The following GALNT16 variants were observed in gnomAD, a reference collection of about 807,000 sequenced individuals.
The protein encoded by GALNT16 is polypeptide N-acetylgalactosaminyltransferase 16, also known as UDP-GalNAc:polypeptide N-acetylgalactosaminyltransferase-like protein 1.
A neutral mutation model predicts 76.1 loss-of-function variants in GALNT16; 40 were observed. The observed-to-expected ratio is 0.53, with a 90% CI of 0.41 to 0.68. The LOEUF is 0.68. GALNT16 is among the 30% of genes least tolerant of loss of function. GALNT16 has a pLI of 0.00. For missense variants in GALNT16, 621 were observed against 731.9 expected (o/e 0.85, Z 1.75); for synonymous variants, 276 against 285.2 (o/e 0.97, Z 0.32).
chr14:69,354,482 C>T (rs1314023394), downstream of GALNT16: 1 of 152,832 alleles, frequency 6.5e-6, no homozygotes, highest in African/African-American at 2.4e-5. Flanking sequence ...GCACCAGCGC[C>T]TTCCTTTCTG....
At chr14:69,375,993 A>T in the GALNT16 span, among the ~76,000 whole-genome samples, 1 of 152,018 alleles carries the variant, frequency 6.6e-6, no homozygotes, top group East Asian at 1.9e-4. Context: ...AAAACATTTC[A>T]ACCATGTATT....
At chr14:69,364,057 T>A in the GALNT16 span, among the ~76,000 whole-genome samples, 1 of 152,178 alleles carries the variant, frequency 6.6e-6, no homozygotes, top group Non-Finnish European at 1.5e-5. The surrounding 1 kb of genome is among the most constrained non-coding windows in gnomAD (Gnocchi z 4.2). Context: ...GCAGACTACA[T>A]GAAGACAAAG....
chr14:69,318,711 T>A (rs2045136041), intron 1 of GALNT16, among the ~76,000 whole-genome samples: 1 of 152,208 alleles, frequency 6.6e-6, no homozygotes, highest in African/African-American at 2.4e-5. Context: ...ACCTGGAGGA[T>A]AACGAAGTGC....
At chr14:69,346,588 C>T (rs757088848) in intron 12 of GALNT16, among the ~76,000 whole-genome samples, 6 of 152,152 alleles carry the variant, frequency 3.9e-5, no homozygotes, top group Non-Finnish European at 5.9e-5. Flanking sequence ...GACTCTGATA[C>T]GTAGTTCTTT....
the GALNT16 span, among the ~76,000 whole-genome samples, chr14:69,369,276 A>G: frequency 6.6e-6 from 1 of 152,190 alleles, no homozygotes; most frequent in Non-Finnish European, 1.5e-5. Flanking sequence ...AGATGTTAAC[A>G]TTGTGTCTGG....
In GALNT16 at chr14:69,338,846, G is replaced by A. The variant is rs983815297; in HGVS notation, c.1094+69G>A. The A allele has an allele frequency of 8.2e-5, 109 of 1,325,162 alleles. 1 individual carries two copies. In the African/African-American group the frequency reaches 1.4e-3, roughly 18 times the overall value. 82.1% of individuals were successfully genotyped at this position (1,325,162 alleles called of 1,614,324 possible). ...AAGGCCCAAGCCCCCAGCCTTGCCAGTTATCACTATGTGACTGTGGGCAGC... is the reference window on the plus strand; with the variant it reads ...AAGGCCCAAGCCCCCAGCCTTGCCAATTATCACTATGTGACTGTGGGCAGC... On this transcript the variant is annotated intron_variant, in intron 10 of 14. Coordinates refer to ENST00000448469, the MANE Select transcript of GALNT16 (RefSeq NM_001168368.2).
intron 1 of GALNT16, among the ~76,000 whole-genome samples, chr14:69,316,654 CAGAA>C (rs2045104336): frequency 1.3e-5 from 2 of 151,292 alleles, no homozygotes; most frequent in African/African-American, 4.9e-5. Flanking sequence ...GAGCCTTCCA[CAGAA>C]AGAGAGTGTG....
intron 6 of GALNT16, 102 bp from the exon 7 acceptor site, chr14:69,331,362 A>C: frequency 1.4e-6 from 1 of 733,022 alleles, no homozygotes; most frequent in Non-Finnish European, 2.5e-6. Context: ...GGAAGTGCTG[A>C]GTGCCCCATG....
chr14:69,291,651 G>A (rs918455918), intron 1 of GALNT16, among the ~76,000 whole-genome samples: 1 of 152,206 alleles, frequency 6.6e-6, no homozygotes, highest in Non-Finnish European at 1.5e-5. Flanking sequence ...GAGTGGGATG[G>A]GGAAAGACAA....
At position 69,285,101 on chromosome 14, in the gene GALNT16, C is replaced by T. The variant is rs555436251; in HGVS notation, c.177+24634C>T. Among the ~76,000 whole-genome samples, 51 of 146,192 alleles carry T rather than the reference C, an allele frequency of 3.5e-4. 1 individual carries two copies. In the South Asian group the frequency reaches 0.011, roughly 31 times the overall value. On this transcript the variant is annotated intron_variant, in intron 1 of 14. Coordinates refer to ENST00000448469, the MANE Select transcript of GALNT16 (RefSeq NM_001168368.2). ...TTTCGCCCAGGCTGGAGTGGGGCAG[C>T]AAGATCTCGGCTCACTGCAAGCTCC... is the stretch of plus-strand genomic sequence containing the variant.
the GALNT16 span, among the ~76,000 whole-genome samples, chr14:69,383,559 TTAAATCC>T: frequency 2.6e-5 from 4 of 152,228 alleles, no homozygotes; most frequent in African/African-American, 4.8e-5. Flanking sequence ...GAAAATAGTT[TTAAATCC>T]TAAATTTGAT....
At position 69,353,240 on chromosome 14, in the gene GALNT16, A is replaced by C. The variant is rs372103686; in HGVS notation, c.*1072A>C. 2.0e-5 allele frequency: 3 copies of C among 152,132 alleles called. No homozygotes were observed. In the East Asian group the frequency reaches 5.8e-4, roughly 29 times the overall value. 9.4% of individuals were successfully genotyped at this position (152,132 alleles called of 1,614,324 possible). A position where few individuals can be genotyped will look rare whatever the true frequency, so the allele number is the denominator to read the frequency against. The stretch of plus-strand genomic sequence containing the variant: ...GACCAAGAACAGCCCCTAAGTCATT[A>C]GGGTTCAACCTCACCCTTATTCCCC... On this transcript the variant is annotated 3_prime_UTR_variant, in exon 15 of 15. Coordinates refer to ENST00000448469, the MANE Select transcript of GALNT16 (RefSeq NM_001168368.2).
chr14:69,277,621 CATT>C (rs1380027825), intron 1 of GALNT16, among the ~76,000 whole-genome samples: 2 of 152,190 alleles, frequency 1.3e-5, no homozygotes, highest in African/African-American at 4.8e-5. Flanking sequence ...TCCAGTCTAT[CATT>C]GTTGGACATT....
chr14:69,285,284 A>G (rs540132455), intron 1 of GALNT16, among the ~76,000 whole-genome samples: 186 of 152,206 alleles, frequency 1.2e-3, no homozygotes, highest in African/African-American at 4.2e-3. Flanking sequence ...TCGGCCTCTC[A>G]AAGTGCTGGG....
intron 12 of GALNT16, among the ~76,000 whole-genome samples, chr14:69,342,097 G>C (rs556497184): frequency 6.6e-6 from 1 of 152,114 alleles, no homozygotes; most frequent in African/African-American, 2.4e-5. Flanking sequence ...TTTATCCTAA[G>C]GAAATAAAGC....
At chr14:69,311,501 TC>T (rs1157937322) in intron 1 of GALNT16, among the ~76,000 whole-genome samples, 2 of 152,190 alleles carry the variant, frequency 1.3e-5, no homozygotes, top group Non-Finnish European at 2.9e-5. Flanking sequence ...GGCTGATTTT[TC>T]CCAAGTTCTC....
rs2045662282 is a variant in GALNT16 at position 69,353,350 on chromosome 14, G to A, written c.*1182G>A. ...ACTACAGGAGGGATTTTCTTGAAGG[G>A]TCAGCTATTGCACTGTGCTGGGAGG... is the stretch of plus-strand genomic sequence containing the variant. On this transcript the variant is annotated 3_prime_UTR_variant, in exon 15 of 15. Transcript: ENST00000448469. 1 of 152,182 alleles carries A rather than the reference G, an allele frequency of 6.6e-6. No individual in the cohort carries two copies. The highest frequency in any genetic ancestry group is 2.1e-4 in the South Asian group (1 of 4,830). 9.4% of individuals were successfully genotyped at this position (152,182 alleles called of 1,614,324 possible).
Position 69,268,556 on chromosome 14 carries a change from A to G in GALNT16, c.177+8089A>G, listed in dbSNP as rs1472805179. Among the ~76,000 whole-genome samples the G allele has an allele frequency of 3.3e-5, 5 of 152,326 alleles. No homozygotes were observed. In the East Asian group the frequency reaches 5.8e-4, roughly 18 times the overall value. ...ACAGGGTCCGAATGCTGAAGGCAGCATCTATTCATTCTCTTGACAATTATT... is the reference window on the plus strand; with the variant it reads ...ACAGGGTCCGAATGCTGAAGGCAGCGTCTATTCATTCTCTTGACAATTATT... On this transcript the variant is annotated intron_variant, in intron 1 of 14. Coordinates refer to ENST00000448469, the MANE Select transcript of GALNT16 (RefSeq NM_001168368.2).
chr14:69,381,267 A>AAAAAAC, the GALNT16 span, among the ~76,000 whole-genome samples: 473 of 152,334 alleles, frequency 3.1e-3, 4 homozygotes, highest in African/African-American at 0.011. Context: ...CTCCATCTCA[A>AAAAAAC]AAAAACAAAA....
Sources: gnomAD v4.1 joint callset for allele counts (sites outside exome capture counted in the v4.1 genomes callset) on GRCh38, gnomAD v4.1.1 for gene constraint, Gnocchi (gnomAD v3.1) non-coding constraint, MANE v1.5 for transcripts, NCBI Gene and HGNC (gene_info 2026-07-23, HGNC 2026-07-21) for gene names.